The following AKAP9 variants were observed in gnomAD, a reference collection of about 807,000 sequenced individuals.
AKAP9 encodes the protein A-kinase anchor protein 9.
In AKAP9, 311 loss-of-function variants were observed where a neutral mutation model predicts 488.5. The observed-to-expected ratio is 0.64, with a 90% confidence interval of 0.58 to 0.70. The LOEUF is 0.70. Among genes scored for constraint, AKAP9 ranks in the 30% least tolerant of loss-of-function variants. AKAP9 has a pLI of 0.00. For synonymous variants in AKAP9, 1,462 were observed against 1,483.5 expected, an observed-to-expected ratio of 0.99 and a Z score of 0.33; for missense variants, 4,215 against 4,374.5, an observed-to-expected ratio of 0.96 and a Z score of 1.03.
At chr7:91,992,774 G>A (rs1797931738) in intron 4 of AKAP9, 111 bp from the exon 5 acceptor site, 2 of 996,554 alleles carry the variant, frequency 2.0e-6, no homozygotes, top group East Asian at 5.2e-5. Flanking sequence ...TAATCTTCCA[G>A]GTGGTGAGTG....
At chr7:92,071,035 C>A (rs1321304359) in intron 28 of AKAP9, 26 bp downstream of exon 28, 1 of 1,533,132 alleles carries the variant, frequency 6.5e-7, no homozygotes, top group East Asian at 2.3e-5. Context: ...TTAAATGACA[C>A]AGCGTGGTTT....
chr7:92,059,192 T>C (rs1031667796), intron 22 of AKAP9, among the ~76,000 whole-genome samples: 1 of 151,954 alleles, frequency 6.6e-6, no homozygotes, highest in African/African-American at 2.4e-5. Flanking sequence ...ATACTTTACA[T>C]GTACTTTTAA....
rs1806186277 is a variant in AKAP9, at chr7:92,041,984, A to G, written c.4918-62A>G. 4.4e-6 allele frequency: 7 copies of G among 1,581,880 alleles called. No individual in the cohort carries two copies. The Admixed American group carries it at 1.0e-4, about 23-fold the overall frequency. The stretch of plus-strand genomic sequence containing the variant: ...CCGGGGGTTAAAAGAAATCTGCTTA[A>G]TATTTCTACCCTTTTTCTCTATCAC... On this transcript the variant is annotated intron_variant, in intron 18 of 49. Coordinates refer to ENST00000356239, the MANE Select transcript of AKAP9 (RefSeq NM_005751.5).
chr7:92,030,106 T>C (rs1364864618), intron 15 of AKAP9, 115 bp downstream of exon 15: 2 of 733,546 alleles, frequency 2.7e-6, no homozygotes, highest in African/African-American at 3.6e-5. Flanking sequence ...ATAATAAATA[T>C]GAGGATAATG....
chr7:92,089,303 C>A, intron 37 of AKAP9, 82 bp from the exon 38 acceptor site: 1 of 1,503,466 alleles, frequency 6.7e-7, no homozygotes, highest in Non-Finnish European at 9.2e-7. Context: ...GTGTTCCATT[C>A]ATTCTTCTTT....
intron 30 of AKAP9, among the ~76,000 whole-genome samples, chr7:92,078,489 G>A (rs886704155): frequency 2.6e-5 from 4 of 151,218 alleles, no homozygotes; most frequent in Admixed American, 6.6e-5. Context: ...GGACATGGTG[G>A]CATACCACCT....
chr7:92,108,912 T>G (rs1320195271), intron 49 of AKAP9: 3 of 491,364 alleles, frequency 6.1e-6, no homozygotes, highest in African/African-American at 5.8e-5. Context: ...AAATGCACAA[T>G]GAGCACCAGT....
chr7:92,012,881 A>G (rs563200964), intron 9 of AKAP9, among the ~76,000 whole-genome samples: 1 of 152,122 alleles, frequency 6.6e-6, no homozygotes, highest in East Asian at 1.9e-4. Context: ...CAACAGAAGA[A>G]TGAATAGAAA....
chr7:91,968,777 G>A (rs1326891610), intron 1 of AKAP9, among the ~76,000 whole-genome samples: 1 of 152,060 alleles, frequency 6.6e-6, no homozygotes, highest in Admixed American at 6.5e-5. Flanking sequence ...ATTTTGGTAT[G>A]TTGTATTTCC....
intron 10 of AKAP9, among the ~76,000 whole-genome samples, chr7:92,015,569 G>A (rs1801394201): frequency 6.6e-6 from 1 of 151,872 alleles, no homozygotes; most frequent in African/African-American, 2.4e-5. Flanking sequence ...TTGCCATGTT[G>A]GCCAGGCTGG....
At chr7:91,958,854 T>G (rs976360550) in intron 1 of AKAP9, among the ~76,000 whole-genome samples, 2 of 126,564 alleles carry the variant, frequency 1.6e-5, no homozygotes, top group Non-Finnish European at 3.4e-5. Context: ...TTTTGCTCAT[T>G]AAGATTTTTT....
intron 1 of AKAP9, among the ~76,000 whole-genome samples, chr7:91,966,525 G>T (rs1794462354): frequency 6.6e-6 from 1 of 152,222 alleles, no homozygotes; most frequent in Non-Finnish European, 1.5e-5. Context: ...TTCTTCAGCA[G>T]TTGGATAAAA....
intron 1 of AKAP9, among the ~76,000 whole-genome samples, chr7:91,955,925 A>G (rs956588615): frequency 6.6e-6 from 1 of 151,984 alleles, no homozygotes; most frequent in Admixed American, 6.6e-5. Flanking sequence ...GAGCCACTGC[A>G]CCCAACCGCC....
intron 12 of AKAP9, among the ~76,000 whole-genome samples, chr7:92,019,429 C>T (rs1028405217): frequency 3.3e-5 from 5 of 151,896 alleles, no homozygotes; most frequent in Admixed American, 6.6e-5. Flanking sequence ...CATGAGCCAC[C>T]ACACCCGACC....
intron 37 of AKAP9, among the ~76,000 whole-genome samples, chr7:92,087,848 A>C (rs1326393856): frequency 1.3e-5 from 2 of 151,442 alleles, no homozygotes; most frequent in Admixed American, 6.6e-5. Flanking sequence ...CAAAGAGTGA[A>C]ATAAGAACTC....
intron 26 of AKAP9, 70 bp downstream of exon 26, chr7:92,066,616 T>TA (rs1339443200): frequency 7.7e-6 from 12 of 1,561,462 alleles, no homozygotes; most frequent in Admixed American, 1.7e-5. Context: ...TGCATATCAT[T>TA]AAAAACTTAA....
intron 4 of AKAP9, 69 bp downstream of exon 4, chr7:91,992,280 A>G (rs1343501238): frequency 8.9e-6 from 11 of 1,231,144 alleles, no homozygotes; most frequent in Non-Finnish European, 1.3e-5. Context: ...CTTACTAACA[A>G]AACTTTTTCC....
At chr7:91,965,228 A>G (rs183893021) in intron 1 of AKAP9, among the ~76,000 whole-genome samples, 6 of 152,244 alleles carry the variant, frequency 3.9e-5, no homozygotes, top group Admixed American at 2.6e-4. Flanking sequence ...GTAACCACCA[A>G]TCTACTCACT....
chr7:91,990,667 A>G (rs1274608989), intron 3 of AKAP9, among the ~76,000 whole-genome samples: 1 of 152,196 alleles, frequency 6.6e-6, no homozygotes, highest in African/African-American at 2.4e-5. Flanking sequence ...AATTATTATA[A>G]AATGGTAACT....
Sources: allele counts gnomAD v4.1 joint callset (sites outside exome capture counted in the v4.1 genomes callset), GRCh38; gene constraint gnomAD v4.1.1; transcripts MANE v1.5; gene names NCBI Gene and HGNC (gene_info 2026-07-23, HGNC 2026-07-21).